The following DRAM1 variants were observed in gnomAD, a reference collection of about 807,000 sequenced individuals.
The protein encoded by DRAM1 is DNA damage regulated autophagy modulator 1, also known as DNA damage-regulated autophagy modulator protein 1.
In DRAM1, 25 loss-of-function variants were observed where a neutral mutation model predicts 28.5. The ratio of observed to expected loss-of-function variants is 0.88; its 90% CI spans 0.64 to 1.23. DRAM1 has a LOEUF of 1.23. Ranked by LOEUF, DRAM1 falls within the 50% of genes most tolerant of loss-of-function variation. The pLI is 0.00. For synonymous variants in DRAM1, 113 were observed against 114.2 expected, an observed-to-expected ratio of 0.99 and a Z score of 0.07; for missense variants, 249 against 299.2, an observed-to-expected ratio of 0.83 and a Z score of 1.24.
chr12:101,904,189 G>A (rs995607817), intron 3 of DRAM1, among the ~76,000 whole-genome samples: 107 of 151,670 alleles, frequency 7.1e-4, no homozygotes, highest in Non-Finnish European at 1.2e-3. Context: ...ATGGCGTTTC[G>A]CCATGTTGGC....
At chr12:101,883,312 A>AATT (rs1347707700) in intron 1 of DRAM1, among the ~76,000 whole-genome samples, 1 of 64,060 alleles carries the variant, frequency 1.6e-5, no homozygotes, top group Non-Finnish European at 2.8e-5. Context: ...TTACCCAAAT[A>AATT]GGTTTTTTTT....
chr12:101,892,242 A>AT (rs111261102), intron 1 of DRAM1, among the ~76,000 whole-genome samples: 90 of 146,656 alleles, frequency 6.1e-4, no homozygotes, highest in Non-Finnish European at 8.3e-4. Flanking sequence ...TTTATTTTTT[A>AT]TTTTTTTTTT....
intron 4 of DRAM1, among the ~76,000 whole-genome samples, chr12:101,913,503 C>G (rs1594311105): frequency 6.6e-6 from 1 of 151,802 alleles, no homozygotes; most frequent in Non-Finnish European, 1.5e-5. Context: ...GTCAGGAGTT[C>G]AAGACCAGCC....
At chr12:101,902,785 C>T (rs926019774) in intron 3 of DRAM1, among the ~76,000 whole-genome samples, 34 of 152,238 alleles carry the variant, frequency 2.2e-4, no homozygotes, top group African/African-American at 7.9e-4. Context: ...GTCATTGTTC[C>T]GATAACTGTA....
rs758430600 is a variant in DRAM1, at chr12:101,908,213, G to C, written c.370G>C (p.Gly124Arg). 6.2e-7 allele frequency: 1 copy of C among 1,611,698 alleles called. No homozygotes were observed. The highest frequency in any genetic ancestry group is 8.5e-7 in the Non-Finnish European group (1 of 1,179,284). Reference protein sequence around the residue: ...QELAVPVVHDGGALLAFVCGV... With the variant: ...QELAVPVVHDRGALLAFVCGV... Reference sequence around the variant, plus strand: ...GTTAGCTGTGCCAGTGGTTCATGACGGGGGCGCTCTTTTGGCCTTTGTCTG... The same window carrying C: ...GTTAGCTGTGCCAGTGGTTCATGACCGGGGCGCTCTTTTGGCCTTTGTCTG... Residue 124 changes from glycine to arginine, a missense_variant, in exon 4 of 7, where the codon GGG becomes CGG. Gly to Arg is a moderately radical substitution (Grantham distance 125). Around this residue, in one of 3 missense-constraint regions of DRAM1, gnomAD observed 218 missense variants for 243.1 expected, o/e 0.90. Transcript: ENST00000258534.
At chr12:101,898,002 A>G in intron 2 of DRAM1, 72 bp downstream of exon 2, 5 of 883,352 alleles carry the variant, frequency 5.7e-6, no homozygotes, top group South Asian at 1.7e-5. Context: ...TGTCATTTGT[A>G]GTTTTCATAT....
chr12:101,888,486 C>T (rs1195264618), intron 1 of DRAM1, among the ~76,000 whole-genome samples: 2 of 152,088 alleles, frequency 1.3e-5, no homozygotes, highest in Admixed American at 6.6e-5. Flanking sequence ...TTCACAAACA[C>T]ATGAAATTAG....
Position 101,903,959 on chromosome 12 carries a change from A to ACC in DRAM1, c.342+2527_342+2528insCC, listed in dbSNP as rs1555283244. On this transcript the variant is annotated intron_variant, in intron 3 of 6. Coordinates refer to ENST00000258534, the MANE Select transcript of DRAM1 (RefSeq NM_018370.3). ...CACACACACACACACACACACACAC[A>ACC]CACCCCTATAAGCCTCATAAATATG... is the stretch of plus-strand genomic sequence containing the variant. Among the ~76,000 whole-genome samples, 285 of 124,332 alleles carry ACC rather than the reference A, an allele frequency of 2.3e-3. 1 individual carries two copies. Among genetic ancestry groups the ACC allele is most frequent in the African/African-American group, 3.7e-3 (73 of 19,632 alleles). 81.6% of individuals were successfully genotyped at this position (124,332 alleles called of 152,430 possible).
At chr12:101,880,552 G>T (rs1203112688) in intron 1 of DRAM1, among the ~76,000 whole-genome samples, 1 of 152,040 alleles carries the variant, frequency 6.6e-6, no homozygotes, top group Non-Finnish European at 1.5e-5. Flanking sequence ...GCCTCCTAAA[G>T]TGTTGGGATT....
At chr12:101,894,019 C>T (rs1195644097) in intron 1 of DRAM1, among the ~76,000 whole-genome samples, 3 of 152,158 alleles carry the variant, frequency 2.0e-5, no homozygotes, top group Non-Finnish European at 4.4e-5. Context: ...CAACCTCTGC[C>T]TACTGGGCTC....
chr12:101,908,047 G>A, intron 3 of DRAM1, 139 bp from the exon 4 acceptor site: 2 of 718,158 alleles, frequency 2.8e-6, no homozygotes, highest in South Asian at 2.2e-5. Context: ...TTTTCTTTTG[G>A]TAGTCAAACA....
intron 1 of DRAM1, among the ~76,000 whole-genome samples, chr12:101,882,708 G>A (rs1443125193): frequency 6.6e-6 from 1 of 151,100 alleles, no homozygotes; most frequent in Non-Finnish European, 1.5e-5. Context: ...GAGAATATGG[G>A]GAAACAGTCT....
At chr12:101,906,858 AAAAAAAAAAAAAAAAG>A (rs1802070438) in intron 3 of DRAM1, among the ~76,000 whole-genome samples, 1 of 140,972 alleles carries the variant, frequency 7.1e-6, no homozygotes, top group African/African-American at 3.1e-5. Flanking sequence ...CTGCCTCAAA[AAAAAAAAAAAAAAAAG>A]AAAAGAAAAG....
chr12:101,921,094 A>T, intron 6 of DRAM1, 122 bp from the exon 7 acceptor site: 1 of 760,042 alleles, frequency 1.3e-6, no homozygotes, highest in Non-Finnish European at 2.3e-6. Context: ...GACCTGACTC[A>T]AGCATAGCAC....
chr12:101,914,117 T>C, intron 4 of DRAM1, 57 bp from the exon 5 acceptor site: 1 of 1,188,732 alleles, frequency 8.4e-7, no homozygotes. Context: ...TAATGTAGTC[T>C]TAACATTAAA....
intron 1 of DRAM1, among the ~76,000 whole-genome samples, chr12:101,894,596 AC>A (rs1873277084): frequency 6.6e-6 from 1 of 152,130 alleles, no homozygotes; most frequent in Non-Finnish European, 1.5e-5. Flanking sequence ...AGAATAGAAC[AC>A]GACCCTGGAA....
rs28372876 is a variant in DRAM1, at chr12:101,921,748, G to T, written c.*488G>T. The T allele has an allele frequency of 0.019, 2,905 of 153,424 alleles. 216 individuals are homozygous for T. The East Asian group carries it at 0.24, about 13-fold the overall frequency. The allele number at this position is 153,424 out of a possible 1,614,324, so 9.5% of individuals were successfully genotyped here. On this transcript the variant is annotated 3_prime_UTR_variant, in exon 7 of 7. Transcript: ENST00000258534. ...GCACTTATAAAATTCAATTTATAAA[G>T]ATCATATACCCAAATCATAAAGATT...
chr12:101,905,233 C>G (rs1342478886), intron 3 of DRAM1, among the ~76,000 whole-genome samples: 1 of 152,150 alleles, frequency 6.6e-6, no homozygotes. Flanking sequence ...TTCCCTGAAT[C>G]TATATGCCTA....
At chr12:101,910,907 T>C (rs56695970) in intron 4 of DRAM1, among the ~76,000 whole-genome samples, 39,943 of 151,962 alleles carry the variant, frequency 0.26, 7,049 homozygotes, top group African/African-American at 0.5. Flanking sequence ...TAAACATTAG[T>C]GTGGTATTTA....
Sources: gnomAD v4.1 joint callset for allele counts (sites outside exome capture counted in the v4.1 genomes callset) on GRCh38, gnomAD v4.1.1 for gene constraint, gnomAD v4.1.1 regional missense constraint, MANE v1.5 for transcripts, NCBI Gene and HGNC (gene_info 2026-07-23, HGNC 2026-07-21) for gene names.